Variants in ABCC1 observed in about 807,000 individuals in gnomAD.
The protein encoded by ABCC1 is multidrug resistance-associated protein 1.
Under a neutral mutation model 172.9 loss-of-function variants are expected in ABCC1, and 83 were observed. That is an observed-to-expected ratio of 0.48 (90% CI 0.40 to 0.58). The LOEUF (loss-of-function observed/expected upper bound fraction) is 0.58, where lower values mean the gene tolerates loss of function less well. Ranked by LOEUF, ABCC1 falls within the 20% of genes least tolerant of loss-of-function variation. The probability of loss-of-function intolerance (pLI) is 0.00; values close to 1 mark genes in which losing one functional copy is unlikely to be tolerated. For missense variants in ABCC1, 1,817 were observed against 2,002.7 expected (o/e 0.91, Z 1.77); for synonymous variants, 937 against 825.2 (o/e 1.14, Z -2.32).
intron 3 of ABCC1, among the ~76,000 whole-genome samples, chr16:16,011,181 C>T (rs912351169): frequency 5.3e-5 from 8 of 151,818 alleles, no homozygotes; most frequent in South Asian, 2.1e-4. Flanking sequence ...TGCAGTAAGC[C>T]GAGATCGCAC....
intron 26 of ABCC1, 105 bp downstream of exon 26, chr16:16,126,016 T>A (rs1246073020): frequency 1.4e-6 from 1 of 727,632 alleles, no homozygotes; most frequent in Non-Finnish European, 2.2e-6. Flanking sequence ...GCTGGATACC[T>A]CACCAGGTAG....
At chr16:16,016,423 G>A in intron 4 of ABCC1, 73 bp from the exon 5 acceptor site, 1 of 1,583,880 alleles carries the variant, frequency 6.3e-7, no homozygotes, top group South Asian at 1.1e-5. Context: ...AAAAGTGCTA[G>A]GATTACAGGC....
At position 16,134,343 on chromosome 16, in the gene ABCC1, C is replaced by T; in HGVS notation, c.3967-7C>T. The T allele has an allele frequency of 6.2e-7, 1 of 1,614,000 alleles. No homozygotes were observed. The highest frequency in any genetic ancestry group is 1.3e-5 in the African/African-American group (1 of 75,038). Reference sequence around the variant, plus strand: ...TCCCACCACACCTGGGCCCTTCTGTCCTGCAGGTCGGCATCGTGGGGCGGA... The same window carrying T: ...TCCCACCACACCTGGGCCCTTCTGTTCTGCAGGTCGGCATCGTGGGGCGGA... On this transcript the variant is annotated splice_polypyrimidine_tract_variant and splice_region_variant and intron_variant, in intron 27 of 30. Transcript: ENST00000399410.
chr16:16,012,674 TC>T (rs1298648653), intron 3 of ABCC1, among the ~76,000 whole-genome samples: 2 of 150,374 alleles, frequency 1.3e-5, no homozygotes, highest in Admixed American at 6.6e-5. Flanking sequence ...CCCTTAACAT[TC>T]CTTGTTCCTG....
chr16:16,110,014 T>C (rs2052315521), intron 21 of ABCC1, among the ~76,000 whole-genome samples: 1 of 152,028 alleles, frequency 6.6e-6, no homozygotes. Context: ...TTCTCTCAGT[T>C]CCCCAGATGC....
intron 15 of ABCC1, among the ~76,000 whole-genome samples, chr16:16,078,926 G>T (rs1032669537): frequency 6.6e-6 from 1 of 152,148 alleles, no homozygotes; most frequent in Non-Finnish European, 1.5e-5. Context: ...ATCCGCCTGC[G>T]TTGGCCTCCC....
chr16:15,983,730 ATT>A lies in ABCC1; in HGVS notation c.49-24082_49-24081del, dbSNP rs1172792544. ...ACTACCATGCCTGGCTAATTTTGGT[ATT>A]TTTATTGGAGACGGGGTTTCATCAT... On this transcript the variant is annotated intron_variant, in intron 1 of 30. Coordinates refer to ENST00000399410, the MANE Select transcript of ABCC1 (RefSeq NM_004996.4). Among the ~76,000 whole-genome samples, 19 of 151,834 alleles carry A rather than the reference ATT, an allele frequency of 1.3e-4. No individual in the cohort carries two copies. The East Asian group carries it at 3.7e-3, about 29-fold the overall frequency.
At chr16:16,138,687 C>A in intron 30 of ABCC1, 129 bp downstream of exon 30, 6 of 529,864 alleles carry the variant, frequency 1.1e-5, no homozygotes, top group Non-Finnish European at 1.8e-5. Context: ...TGGATCCTCT[C>A]TTCATCCTGG....
rs770325253 is a variant in ABCC1, at chr16:16,136,514, C to A, written c.4162C>A (p.Leu1388Met). The change falls in exon 29 of 31, where the codon CTG (leucine) becomes ATG (methionine). Residue 1388 changes from leucine (L) to methionine (M), a missense_variant. By Grantham distance (15) the Leu-to-Met change is conservative (BLOSUM62 2). Around this residue, in one of 3 missense-constraint regions of ABCC1, gnomAD observed 1,412 missense variants for 1,600.3 expected, o/e 0.88. Transcript: ENST00000399410. ...GTTTTCGGGTTCCCTCCGAATGAAC[C>A]TGGACCCATTCAGCCAGTACTCGGA... ...VLFSGSLRMN[L>M]DPFSQYSDEE... 2.5e-6 allele frequency: 4 copies of A among 1,614,062 alleles called. No homozygotes were observed. The highest frequency in any genetic ancestry group is 3.4e-6 in the Non-Finnish European group (4 of 1,180,038).
chr16:16,017,262 G>T (rs536827542), intron 5 of ABCC1, among the ~76,000 whole-genome samples: 38 of 152,108 alleles, frequency 2.5e-4, no homozygotes, highest in Admixed American at 6.6e-4. Flanking sequence ...ACAGGGTTTT[G>T]CTCTGTTGCC....
intron 12 of ABCC1, among the ~76,000 whole-genome samples, chr16:16,067,654 A>T (rs901749932): frequency 1.3e-5 from 2 of 152,214 alleles, no homozygotes; most frequent in Non-Finnish European, 2.9e-5. Context: ...TTTAAGCTGT[A>T]TGACCTTCCA....
chr16:16,017,886 G>A (rs1377159788), intron 5 of ABCC1, among the ~76,000 whole-genome samples: 1 of 152,100 alleles, frequency 6.6e-6, no homozygotes, highest in East Asian at 1.9e-4. Context: ...CAGGCAGAGG[G>A]GAATAAGTAC....
At chr16:16,118,216 CAA>C (rs1567425676) in intron 23 of ABCC1, among the ~76,000 whole-genome samples, 1 of 152,048 alleles carries the variant, frequency 6.6e-6, no homozygotes, top group African/African-American at 2.4e-5. Context: ...CAAAGCAAAA[CAA>C]GAGTAAGAAA....
intron 1 of ABCC1, among the ~76,000 whole-genome samples, chr16:16,002,981 A>G (rs1012816039): frequency 6.6e-6 from 1 of 152,292 alleles, no homozygotes; most frequent in Admixed American, 6.5e-5. Context: ...TTTTCACTGT[A>G]TACCTTTTTG....
intron 1 of ABCC1, among the ~76,000 whole-genome samples, chr16:15,999,834 G>T (rs11860672): frequency 0.09 from 835 of 9,312 alleles, 159 homozygotes; most frequent in African/African-American, 0.14. Context: ...CTCTCTCTCT[G>T]TCTCTTTCTT....
chr16:15,961,791 TA>T (rs1172831749), intron 1 of ABCC1, among the ~76,000 whole-genome samples: 1 of 148,578 alleles, frequency 6.7e-6, no homozygotes. Context: ...TTTTTTTTTT[TA>T]AACAAGCCAC....
intron 15 of ABCC1, among the ~76,000 whole-genome samples, chr16:16,079,103 A>G (rs188495944): frequency 2.8e-4 from 42 of 151,826 alleles, no homozygotes; most frequent in African/African-American, 9.9e-4. Flanking sequence ...CCCTCAGGTT[A>G]CTCCCTGCCT....
chr16:16,046,754 G>C (rs2049227313), intron 9 of ABCC1, among the ~76,000 whole-genome samples: 1 of 147,412 alleles, frequency 6.8e-6, no homozygotes, highest in Non-Finnish European at 1.5e-5. Flanking sequence ...TTACCTTCTT[G>C]ATCCCTATAA....
intron 20 of ABCC1, among the ~76,000 whole-genome samples, chr16:16,106,077 G>T (rs566045872): frequency 2.0e-5 from 3 of 151,900 alleles, no homozygotes; most frequent in African/African-American, 7.2e-5. Context: ...GGGTTTCACC[G>T]TGTTGGCCAG....
Sources: gnomAD v4.1 joint callset for allele counts (sites outside exome capture counted in the v4.1 genomes callset) on GRCh38, gnomAD v4.1.1 for gene constraint, gnomAD v4.1.1 regional missense constraint, MANE v1.5 for transcripts, NCBI Gene and HGNC (gene_info 2026-07-23, HGNC 2026-07-21) for gene names.